Variants in HIVEP2 observed in about 807,000 individuals in gnomAD.
HIVEP2 encodes the protein transcription factor HIVEP2.
Under a neutral mutation model 180.7 loss-of-function variants are expected in HIVEP2, and 14 were observed. That is an observed-to-expected ratio of 0.08 (90% CI 0.05 to 0.12). HIVEP2 has a LOEUF of 0.12. HIVEP2 is among the 10% of genes least tolerant of loss of function. The probability of loss-of-function intolerance (pLI) is 1.00; values close to 1 mark genes in which losing one functional copy is unlikely to be tolerated. For missense variants in HIVEP2, 2,579 were observed against 3,008.5 expected (o/e 0.86, Z 3.34); for synonymous variants, 1,184 against 1,136.4 (o/e 1.04, Z -0.84).
chr6:142,929,701 T>G (rs933592283), intron 1 of HIVEP2, among the ~76,000 whole-genome samples: 1 of 152,198 alleles, frequency 6.6e-6, no homozygotes, highest in African/African-American at 2.4e-5. Flanking sequence ...GATTAAGACT[T>G]GAAGTTTCCC....
chr6:142,827,680 G>A (rs1774949542), intron 2 of HIVEP2, among the ~76,000 whole-genome samples: 1 of 152,232 alleles, frequency 6.6e-6, no homozygotes, highest in South Asian at 2.1e-4. Flanking sequence ...AAGGGAAGGA[G>A]TGGGAAGGAG....
chr6:142,879,490 C>T (rs1776528680), intron 1 of HIVEP2, among the ~76,000 whole-genome samples: 1 of 152,192 alleles, frequency 6.6e-6, no homozygotes. Context: ...GAGCCCTCCA[C>T]TAGCACTGCA....
chr6:142,905,476 C>T (rs1469007225), intron 1 of HIVEP2, among the ~76,000 whole-genome samples: 1 of 152,120 alleles, frequency 6.6e-6, no homozygotes, highest in Non-Finnish European at 1.5e-5. Flanking sequence ...AAGCAAGACA[C>T]TGGAAAGTAG....
chr6:142,818,712 AAAG>A (rs773058768), intron 2 of HIVEP2, among the ~76,000 whole-genome samples: 4,047 of 62,766 alleles, frequency 0.064, 180 homozygotes, highest in Non-Finnish European at 0.095. Flanking sequence ...AGAAAGAAAG[AAAG>A]AAAGAAAAGA....
chr6:142,760,481 G>A lies in HIVEP2; in HGVS notation c.5807C>T (p.Thr1936Ile), dbSNP rs747271972. 14 of 1,614,144 alleles carry A rather than the reference G, an allele frequency of 8.7e-6. No individual in the cohort carries two copies. The highest frequency in any genetic ancestry group is 1.2e-5 in the Non-Finnish European group (14 of 1,180,018). The change falls in exon 9 of 10, where the codon ACC (threonine) becomes ATC (isoleucine). Residue 1936 changes from threonine to isoleucine, a missense_variant. Physicochemically the swap from Thr to Ile is moderately conservative, Grantham distance 89. Around this residue, in one of 11 missense-constraint regions of HIVEP2, gnomAD observed 660 missense variants for 731.7 expected, o/e 0.90. Coordinates refer to ENST00000367603, the MANE Select transcript of HIVEP2 (RefSeq NM_006734.4). ...GGAGAATCTAGGAGGCTGAGGACTG[G>A]TGCTTCTTGATCTTGTTTTTGGTGT... is the stretch of plus-strand genomic sequence containing the variant. ...DLTPKTRSRS[T>I]SPQPPRFSSL...
At position 142,846,925 on chromosome 6, in the gene HIVEP2, G is replaced by A. The variant is rs1775530314; in HGVS notation, c.-640-9878C>T. ...CTGTGAAGGCTACGCAGGTAAAGCTGGCACCAAACAGAAATATGGTGCACT... is the reference window on the plus strand; with the variant it reads ...CTGTGAAGGCTACGCAGGTAAAGCTAGCACCAAACAGAAATATGGTGCACT... On this transcript the variant is annotated intron_variant, in intron 1 of 9. Coordinates refer to ENST00000367603, the MANE Select transcript of HIVEP2 (RefSeq NM_006734.4). Among the ~76,000 whole-genome samples, 7 of 152,170 alleles carry A rather than the reference G, an allele frequency of 4.6e-5. No individual in the cohort carries two copies. In the South Asian group the frequency reaches 1.4e-3, roughly 32 times the overall value.
chr6:142,821,148 C>A (rs1257151476), intron 2 of HIVEP2, among the ~76,000 whole-genome samples: 3 of 152,026 alleles, frequency 2.0e-5, no homozygotes, highest in African/African-American at 7.2e-5. Context: ...ATTTTTCCTT[C>A]CCCATATTGC....
At chr6:142,920,765 T>G (rs1353869757) in intron 1 of HIVEP2, among the ~76,000 whole-genome samples, 1 of 152,114 alleles carries the variant, frequency 6.6e-6, no homozygotes, top group Non-Finnish European at 1.5e-5. Flanking sequence ...GAGGATCACT[T>G]GAGCCCAGGA....
chr6:142,796,543 A>C (rs1443341311), intron 2 of HIVEP2, among the ~76,000 whole-genome samples: 1 of 152,142 alleles, frequency 6.6e-6, no homozygotes, highest in Non-Finnish European at 1.5e-5. Flanking sequence ...GATCCCATTA[A>C]GTTTTCATCA....
intron 2 of HIVEP2, among the ~76,000 whole-genome samples, chr6:142,823,889 A>C (rs1016417500): frequency 2.6e-5 from 4 of 152,226 alleles, no homozygotes; most frequent in Non-Finnish European, 5.9e-5. Flanking sequence ...GCAGCATTTA[A>C]ATAATTTTGA....
intron 1 of HIVEP2, among the ~76,000 whole-genome samples, chr6:142,885,411 G>A (rs1776671576): frequency 6.6e-6 from 1 of 151,630 alleles, no homozygotes; most frequent in Non-Finnish European, 1.5e-5. Flanking sequence ...GCAACACCGT[G>A]AGCCCCTGTC....
chr6:142,872,131 A>G (rs1776302489), intron 1 of HIVEP2, among the ~76,000 whole-genome samples: 1 of 152,182 alleles, frequency 6.6e-6, no homozygotes, highest in Non-Finnish European at 1.5e-5. Flanking sequence ...GTCAGTAACA[A>G]TGGGGACACT....
intron 1 of HIVEP2, among the ~76,000 whole-genome samples, chr6:142,878,251 G>A (rs368806912): frequency 6.6e-6 from 1 of 152,076 alleles, no homozygotes; most frequent in Non-Finnish European, 1.5e-5. Flanking sequence ...CTAAAATCAC[G>A]TTAACACAGA....
At position 142,884,902 on chromosome 6, in the gene HIVEP2, T is replaced by C. The variant is rs150979396; in HGVS notation, c.-640-47855A>G. Among the ~76,000 whole-genome samples, 453 of 152,248 alleles carry C rather than the reference T, an allele frequency of 3.0e-3. 1 individual carries two copies. The highest frequency in any genetic ancestry group is 0.01 in the African/African-American group (433 of 41,546). On this transcript the variant is annotated intron_variant, in intron 1 of 9. Coordinates refer to ENST00000367603, the MANE Select transcript of HIVEP2 (RefSeq NM_006734.4). ...TTTTCACACACATACACAAATGCAC[T>C]GCTCTGCTCCTCAAAGCATGCTGAT...
intron 1 of HIVEP2, among the ~76,000 whole-genome samples, chr6:142,841,255 A>C (rs991442324): frequency 3.9e-5 from 6 of 152,112 alleles, no homozygotes. Flanking sequence ...CTATTTACTA[A>C]GTTTTCCTTC....
chr6:142,912,979 T>C (rs1008193540), intron 1 of HIVEP2, among the ~76,000 whole-genome samples: 2 of 152,206 alleles, frequency 1.3e-5, no homozygotes, highest in African/African-American at 4.8e-5. Context: ...TATGAAAATG[T>C]ACTTAGCAGA....
At chr6:142,915,734 C>G (rs1351622161) in intron 1 of HIVEP2, among the ~76,000 whole-genome samples, 1 of 152,128 alleles carries the variant, frequency 6.6e-6, no homozygotes, top group African/African-American at 2.4e-5. Context: ...CCCACACTCT[C>G]TTTTCGTCTC....
At chr6:142,897,308 G>A (rs1316280594) in intron 1 of HIVEP2, among the ~76,000 whole-genome samples, 1 of 152,158 alleles carries the variant, frequency 6.6e-6, no homozygotes, top group African/African-American at 2.4e-5. Flanking sequence ...TGGCATACCT[G>A]CTTTAAAAAG....
chr6:142,813,831 G>A lies in HIVEP2; in HGVS notation c.-528+23104C>T, dbSNP rs150468821. 2.0e-4 allele frequency among the ~76,000 whole-genome samples: 30 copies of A among 152,014 alleles called. 1 individual carries two copies. In the East Asian group the frequency reaches 5.6e-3, roughly 29 times the overall value. ...TCCTTCTGCCTCAGCCTCCCAAAGTGCTGGGATTACAGGCATGAGCCACCA... is the reference window on the plus strand; with the variant it reads ...TCCTTCTGCCTCAGCCTCCCAAAGTACTGGGATTACAGGCATGAGCCACCA... On this transcript the variant is annotated intron_variant, in intron 2 of 9. Transcript: ENST00000367603.
Sources: gnomAD v4.1 joint callset for allele counts (sites outside exome capture counted in the v4.1 genomes callset) on GRCh38, gnomAD v4.1.1 for gene constraint, gnomAD v4.1.1 regional missense constraint, MANE v1.5 for transcripts, NCBI Gene and HGNC (gene_info 2026-07-23, HGNC 2026-07-21) for gene names.